GDA: variants seen among roughly 807,000 people sequenced by gnomAD.
The protein encoded by GDA is cytoplasmic PSD-95 interactor.
A neutral mutation model predicts 59.6 loss-of-function variants in GDA; 18 were observed. The observed-to-expected ratio is 0.30, with a 90% CI of 0.21 to 0.45. The LOEUF (loss-of-function observed/expected upper bound fraction) is 0.45, where lower values mean the gene tolerates loss of function less well. Ranked by LOEUF, GDA falls within the 20% of genes least tolerant of loss-of-function variation. GDA has a pLI of 1.00. For synonymous variants in GDA, 201 were observed against 201.1 expected (o/e 1.00, Z 0.00); for missense variants, 427 against 552.3 (o/e 0.77, Z 2.27).
At chr9:72,195,360 C>G in intron 1 of GDA, 140 bp from the exon 2 acceptor site, 1 of 175,586 alleles carries the variant, frequency 5.7e-6, no homozygotes, top group East Asian at 1.2e-4. Flanking sequence ...TTTTTTGCCT[C>G]TAAACTCAAT....
chr9:72,214,730 T>C lies in GDA; in HGVS notation c.578+739T>C, dbSNP rs117089396. 1.7e-3 allele frequency: 574 copies of C among 342,726 alleles called. 10 individuals carry two copies. The East Asian group carries it at 0.046, about 27-fold the overall frequency. 21.2% of individuals were successfully genotyped at this position (342,726 alleles called of 1,614,324 possible). On this transcript the variant is annotated intron_variant, in intron 5 of 13. Transcript: ENST00000358399. ...CTCTAAATTCAAAGTTCTTTTTTTT[T>C]TTTCTTTTCTTTTCTTTTTTTGAGA...
intron 1 of GDA, among the ~76,000 whole-genome samples, chr9:72,180,462 A>G (rs533280765): frequency 1.3e-5 from 2 of 152,300 alleles, no homozygotes; most frequent in East Asian, 1.9e-4. Flanking sequence ...GATACAGTCT[A>G]TTGAGATCAA....
chr9:72,242,560 C>A (rs1229551074), intron 11 of GDA, among the ~76,000 whole-genome samples: 2 of 152,108 alleles, frequency 1.3e-5, no homozygotes, highest in African/African-American at 4.8e-5. Flanking sequence ...TGAAGGATGA[C>A]CGAAGCCAAG....
At chr9:72,159,790 A>G (rs1424639406) in intron 1 of GDA, among the ~76,000 whole-genome samples, 2 of 152,170 alleles carry the variant, frequency 1.3e-5, no homozygotes, top group Non-Finnish European at 2.9e-5. Flanking sequence ...TATGGAGGAT[A>G]ATTTTTATTT....
intron 1 of GDA, among the ~76,000 whole-genome samples, chr9:72,153,104 T>C (rs1326411911): frequency 4.6e-5 from 7 of 152,308 alleles, no homozygotes; most frequent in African/African-American, 1.4e-4. Context: ...TAGTTGTAGA[T>C]AGGCGGCATT....
chr9:72,214,390 G>T (rs1157181021), intron 5 of GDA, among the ~76,000 whole-genome samples: 1 of 151,488 alleles, frequency 6.6e-6, no homozygotes, highest in African/African-American at 2.4e-5. Flanking sequence ...CTGCCTCCTG[G>T]GTTCAAGCGA....
At chr9:72,172,661 C>T (rs1196170198) in intron 1 of GDA, among the ~76,000 whole-genome samples, 1 of 152,156 alleles carries the variant, frequency 6.6e-6, no homozygotes, top group Non-Finnish European at 1.5e-5. Context: ...GTGGCCTGTG[C>T]AAGTGTGTTT....
intron 9 of GDA, chr9:72,228,306 T>TA (rs1837863755): frequency 5.3e-6 from 2 of 376,764 alleles, no homozygotes; most frequent in African/African-American, 2.1e-5. Flanking sequence ...GAATACAACA[T>TA]AAAAAATTTA....
chr9:72,137,994 G>A (rs1426662450), intron 1 of GDA, among the ~76,000 whole-genome samples: 2 of 152,294 alleles, frequency 1.3e-5, no homozygotes, highest in Non-Finnish European at 2.9e-5. Context: ...GGGTGGGAGA[G>A]TTTATCAGAG....
chr9:72,128,308 G>GT (rs1825915847), intron 1 of GDA, among the ~76,000 whole-genome samples: 1 of 152,124 alleles, frequency 6.6e-6, no homozygotes, highest in Admixed American at 6.5e-5. Context: ...CATATTTCAA[G>GT]TAAGTGATTC....
chr9:72,135,797 G>A (rs1030684884), intron 1 of GDA, among the ~76,000 whole-genome samples: 1 of 151,974 alleles, frequency 6.6e-6, no homozygotes, highest in African/African-American at 2.4e-5. Context: ...CTTCAGTGGA[G>A]ACGGGGTTTT....
At chr9:72,233,453 G>A (rs1436979776) in intron 10 of GDA, among the ~76,000 whole-genome samples, 1 of 152,076 alleles carries the variant, frequency 6.6e-6, no homozygotes, top group Non-Finnish European at 1.5e-5. Flanking sequence ...TAGAAATCAA[G>A]GAAGAAAACT....
At chr9:72,225,611 G>C in intron 7 of GDA, 66 bp from the exon 8 acceptor site, 1 of 759,812 alleles carries the variant, frequency 1.3e-6, no homozygotes, top group South Asian at 1.8e-5. Context: ...CCATTTTGAG[G>C]TAGGAAGTGT....
At chr9:72,118,186 G>A (rs1825526732) in intron 1 of GDA, among the ~76,000 whole-genome samples, 1 of 149,118 alleles carries the variant, frequency 6.7e-6, no homozygotes, top group Non-Finnish European at 1.5e-5. Flanking sequence ...GCAGGAGAAT[G>A]GCGTGAACCC....
At chr9:72,204,650 G>A (rs1053802028) in intron 3 of GDA, among the ~76,000 whole-genome samples, 37 of 152,326 alleles carry the variant, frequency 2.4e-4, no homozygotes, top group South Asian at 2.1e-3. Context: ...TAGACACTAT[G>A]CTGCCAAAAT....
intron 13 of GDA, 98 bp downstream of exon 13, chr9:72,247,531 A>T: frequency 5.9e-6 from 4 of 681,178 alleles, no homozygotes; most frequent in Non-Finnish European, 1.0e-5. Context: ...CATATATTAA[A>T]CTCTGTGGAT....
At chr9:72,158,971 T>C (rs1828278134) in intron 1 of GDA, among the ~76,000 whole-genome samples, 1 of 152,040 alleles carries the variant, frequency 6.6e-6, no homozygotes, top group South Asian at 2.1e-4. Context: ...AGCAAATAAG[T>C]GGCAAAGGCA....
At chr9:72,247,855 C>T (rs1008594395) in intron 13 of GDA, among the ~76,000 whole-genome samples, 2 of 152,178 alleles carry the variant, frequency 1.3e-5, no homozygotes, top group Non-Finnish European at 2.9e-5. Flanking sequence ...ATATTCTACA[C>T]TGCCTCCCAT....
At chr9:72,190,050 C>T (rs1298181028) in intron 1 of GDA, among the ~76,000 whole-genome samples, 1 of 152,018 alleles carries the variant, frequency 6.6e-6, no homozygotes, top group Non-Finnish European at 1.5e-5. Context: ...GGATTAATGC[C>T]ATTATGAAGG....
Sources: allele counts gnomAD v4.1 joint callset (sites outside exome capture counted in the v4.1 genomes callset), GRCh38; gene constraint gnomAD v4.1.1; transcripts MANE v1.5; gene names NCBI Gene and HGNC (gene_info 2026-07-23, HGNC 2026-07-21).